The following RPTOR variants were observed in gnomAD, a reference collection of about 807,000 sequenced individuals.
RPTOR encodes the protein regulatory-associated protein of mTOR.
Under a neutral mutation model 169.9 loss-of-function variants are expected in RPTOR, and 21 were observed. The observed-to-expected ratio is 0.12, with a 90% CI of 0.09 to 0.18. The LOEUF (loss-of-function observed/expected upper bound fraction) is 0.18. RPTOR is among the 10% of genes least tolerant of loss of function. The pLI is 1.00. For missense variants in RPTOR, 1,133 were observed against 1,855.9 expected, an observed-to-expected ratio of 0.61 and a Z score of 7.16; for synonymous variants, 732 against 753.2, an observed-to-expected ratio of 0.97 and a Z score of 0.46.
At chr17:80,836,174 G>A (rs1202444177) in intron 9 of RPTOR, among the ~76,000 whole-genome samples, 2 of 152,224 alleles carry the variant, frequency 1.3e-5, no homozygotes, top group Non-Finnish European at 2.9e-5. Flanking sequence ...AGCGAGGCAG[G>A]CAGGTCAGCC....
intron 1 of RPTOR, among the ~76,000 whole-genome samples, chr17:80,589,997 TA>T (rs1226241213): frequency 3.9e-5 from 6 of 152,284 alleles, no homozygotes; most frequent in African/African-American, 1.2e-4. Flanking sequence ...TTTACCCTAT[TA>T]AATACGATTT....
chr17:80,583,745 G>A (rs1413645570), intron 1 of RPTOR, among the ~76,000 whole-genome samples: 2 of 152,220 alleles, frequency 1.3e-5, no homozygotes, highest in Non-Finnish European at 2.9e-5. Flanking sequence ...CTATTGTAGA[G>A]TAGAAACGAG....
intron 6 of RPTOR, among the ~76,000 whole-genome samples, chr17:80,759,614 T>C (rs2066714621): frequency 6.6e-6 from 1 of 152,136 alleles, no homozygotes. Flanking sequence ...TAATGGACTA[T>C]ATTCATTAAA....
At chr17:80,685,628 T>TATATATATATA (rs1491347361) in intron 3 of RPTOR, among the ~76,000 whole-genome samples, 26 of 22,658 alleles carry the variant, frequency 1.1e-3, no homozygotes, top group South Asian at 5.0e-3. Context: ...TATATATATA[T>TATATATATATA]TTTTTTTTTT....
intron 3 of RPTOR, among the ~76,000 whole-genome samples, chr17:80,685,116 C>T (rs937018619): frequency 4.6e-5 from 7 of 152,156 alleles, no homozygotes; most frequent in African/African-American, 9.7e-5. Flanking sequence ...CCATTCCCCT[C>T]GGCAACATAG....
At chr17:80,948,333 C>A (rs566191721) in intron 27 of RPTOR, among the ~76,000 whole-genome samples, 1 of 152,370 alleles carries the variant, frequency 6.6e-6, no homozygotes, top group Non-Finnish European at 1.5e-5. Flanking sequence ...GAGCGCTGCC[C>A]CCTCAGGACC....
chr17:80,723,256 G>A (rs1194311667), intron 4 of RPTOR, among the ~76,000 whole-genome samples: 2 of 151,118 alleles, frequency 1.3e-5, no homozygotes, highest in African/African-American at 4.9e-5. Flanking sequence ...TTGAGAGTAT[G>A]CAGATATCCT....
Position 80,845,967 on chromosome 17 carries a change from G to A in RPTOR, c.1213-506G>A, listed in dbSNP as rs952474408. ...CTGCCGGGCCCTCACCGGCCCCAGCGCGGCCCCAGCTCATCTCCTTGGTCT... is the reference window on the plus strand; with the variant it reads ...CTGCCGGGCCCTCACCGGCCCCAGCACGGCCCCAGCTCATCTCCTTGGTCT... On this transcript the variant is annotated intron_variant, in intron 10 of 33. Coordinates refer to ENST00000306801, the MANE Select transcript of RPTOR (RefSeq NM_020761.3). This position sits in a 1 kb window ranked among gnomAD's most constrained non-coding sequence, Gnocchi z 5.4. 4.0e-5 allele frequency among the ~76,000 whole-genome samples: 6 copies of A among 151,834 alleles called. No individual in the cohort carries two copies. The highest frequency in any genetic ancestry group is 1.2e-4 in the African/African-American group (5 of 41,284).
chr17:80,817,491 G>T (rs2067336219), intron 7 of RPTOR, among the ~76,000 whole-genome samples: 1 of 152,030 alleles, frequency 6.6e-6, no homozygotes, highest in Admixed American at 6.5e-5. Flanking sequence ...GGAACCTGGA[G>T]AGACTGGGAG....
intron 17 of RPTOR, among the ~76,000 whole-genome samples, chr17:80,889,478 G>A (rs1026954392): frequency 1.3e-5 from 2 of 152,184 alleles, no homozygotes; most frequent in Non-Finnish European, 2.9e-5. Context: ...TGTGGAGCCC[G>A]TGGCCACTAA....
rs985675093 is a variant in RPTOR at position 80,820,885 on chromosome 17, A to G, written c.891-1316A>G. Among the ~76,000 whole-genome samples, 20 of 152,366 alleles carry G rather than the reference A, an allele frequency of 1.3e-4. No homozygotes were observed. Among genetic ancestry groups the G allele is most frequent in the African/African-American group, 4.8e-4 (20 of 41,602 alleles). ...CCCCGTCCTGGCCAGCAGCCTGACT[A>G]GAAAACCCTGATGTTGGGTAAACTG... On this transcript the variant is annotated intron_variant, in intron 7 of 33. Coordinates refer to ENST00000306801, the MANE Select transcript of RPTOR (RefSeq NM_020761.3). The surrounding 1 kb of genome is among the most constrained non-coding windows in gnomAD (Gnocchi z 4.1).
chr17:80,552,073 A>G (rs2084353029), intron 1 of RPTOR, among the ~76,000 whole-genome samples: 1 of 152,210 alleles, frequency 6.6e-6, no homozygotes, highest in Non-Finnish European at 1.5e-5. Context: ...CAGAATCTCA[A>G]GGCAGAAGAA....
chr17:80,640,337 G>A lies in RPTOR; in HGVS notation c.266-3391G>A, dbSNP rs529751440. On this transcript the variant is annotated intron_variant, in intron 2 of 33. Coordinates refer to ENST00000306801, the MANE Select transcript of RPTOR (RefSeq NM_020761.3). ...GATACTGTTGTCAATAATATCTATCGGGGAATTTAATTTTAGTTTATTTAA... is the reference window on the plus strand; with the variant it reads ...GATACTGTTGTCAATAATATCTATCAGGGAATTTAATTTTAGTTTATTTAA... Among the ~76,000 whole-genome samples, 5 of 152,222 alleles carry A rather than the reference G, an allele frequency of 3.3e-5. No individual in the cohort carries two copies. The East Asian group carries it at 5.8e-4, about 18-fold the overall frequency.
chr17:80,734,364 G>C (rs577415538), intron 5 of RPTOR, among the ~76,000 whole-genome samples: 3 of 152,244 alleles, frequency 2.0e-5, no homozygotes, highest in Non-Finnish European at 2.9e-5. Flanking sequence ...TCCAGGATCC[G>C]TCCCTGTGTC....
rs1217274150 is a variant in RPTOR, at chr17:80,723,107, T to A, written c.508-7453T>A. 2.0e-5 allele frequency among the ~76,000 whole-genome samples: 3 copies of A among 151,302 alleles called. 1 individual carries two copies. The highest frequency in any genetic ancestry group is 2.0e-4 in the Admixed American group (3 of 15,256). On this transcript the variant is annotated intron_variant, in intron 4 of 33. Coordinates refer to ENST00000306801, the MANE Select transcript of RPTOR (RefSeq NM_020761.3). The stretch of plus-strand genomic sequence containing the variant: ...GATGGGTTATTCTCAGTGCATCAGG[T>A]TTGGGGGTGCGTGGTGTGTGTGATT...
At chr17:80,698,043 C>T (rs2066051909) in intron 3 of RPTOR, among the ~76,000 whole-genome samples, 1 of 152,092 alleles carries the variant, frequency 6.6e-6, no homozygotes, top group African/African-American at 2.4e-5. Context: ...TTTGGTGGGG[C>T]CAGCGAGTAG....
rs1429983279 is a variant in RPTOR at position 80,595,506 on chromosome 17, A to AGTGCG, written c.163-30181_163-30177dup. The stretch of plus-strand genomic sequence containing the variant: ...GGTCTCGCTCATTCGCCCAGGCTAG[A>AGTGCG]GTGCGGTGGCATGATCATGGCTCAC... On this transcript the variant is annotated intron_variant, in intron 1 of 33. Transcript: ENST00000306801. Among the ~76,000 whole-genome samples, 28 of 152,260 alleles carry AGTGCG rather than the reference A, an allele frequency of 1.8e-4. 2 individuals carry two copies. Among genetic ancestry groups the AGTGCG allele is most frequent in the Admixed American group, 9.8e-4 (15 of 15,310 alleles).
intron 2 of RPTOR, among the ~76,000 whole-genome samples, chr17:80,630,475 T>C (rs7225153): frequency 0.18 from 28,109 of 152,208 alleles, 3,007 homozygotes; most frequent in East Asian, 0.28. Context: ...AGTATGTATG[T>C]ATGTATGCAT....
chr17:80,817,972 G>A (rs1249992281), intron 7 of RPTOR, among the ~76,000 whole-genome samples: 1 of 152,210 alleles, frequency 6.6e-6, no homozygotes, highest in Non-Finnish European at 1.5e-5. Flanking sequence ...ATAAATCCTG[G>A]CAAGAAACCG....
Sources: gnomAD v4.1 joint callset for allele counts (sites outside exome capture counted in the v4.1 genomes callset) on GRCh38, gnomAD v4.1.1 for gene constraint, Gnocchi (gnomAD v3.1) non-coding constraint, MANE v1.5 for transcripts, NCBI Gene and HGNC (gene_info 2026-07-23, HGNC 2026-07-21) for gene names.